BAZ1B: variants seen among roughly 807,000 people sequenced by gnomAD.
BAZ1B encodes bromodomain adjacent to zinc finger domain 1B, also known as tyrosine-protein kinase BAZ1B.
In BAZ1B, 22 loss-of-function variants were observed where a neutral mutation model predicts 153.8. The ratio of observed to expected loss-of-function variants is 0.14; its 90% CI spans 0.10 to 0.20. BAZ1B has a LOEUF of 0.20. BAZ1B is among the 10% of genes least tolerant of loss of function. The probability of loss-of-function intolerance (pLI) is 1.00; values close to 1 mark genes in which losing one functional copy is unlikely to be tolerated. For missense variants in BAZ1B, 1,325 were observed against 1,799.3 expected (o/e 0.74, Z 4.77); for synonymous variants, 676 against 633.4 (o/e 1.07, Z -1.01).
intron 7 of BAZ1B, among the ~76,000 whole-genome samples, chr7:73,474,753 C>CA (rs1453896809): frequency 3.4e-4 from 52 of 152,112 alleles, no homozygotes; most frequent in African/African-American, 1.2e-3. Flanking sequence ...AGCCTGGGCA[C>CA]AAAAAAGAGC....
At chr7:73,478,712 A>G in intron 6 of BAZ1B, 143 bp from the exon 7 acceptor site, 2 of 700,636 alleles carry the variant, frequency 2.9e-6, no homozygotes, top group South Asian at 4.5e-5. Flanking sequence ...TTGTCCCTGA[A>G]AAAACAAAGA....
At chr7:73,512,413 T>C (rs183690698) in intron 1 of BAZ1B, among the ~76,000 whole-genome samples, 3 of 152,176 alleles carry the variant, frequency 2.0e-5, no homozygotes, top group Non-Finnish European at 2.9e-5. Context: ...GTTTAAAAAA[T>C]AAATTTCATA....
chr7:73,479,508 CAAA>C (rs565909571), intron 6 of BAZ1B, among the ~76,000 whole-genome samples: 5 of 66,902 alleles, frequency 7.5e-5, no homozygotes, highest in Non-Finnish European at 9.3e-5. Context: ...ACCCCCGTCT[CAAA>C]AAAAAAAAAA....
At position 73,444,008 on chromosome 7, in the gene BAZ1B, C is replaced by T. The variant is rs1554565707; in HGVS notation, c.3966G>A (p.Val1322=). The T allele has an allele frequency of 6.2e-7, 1 of 1,613,626 alleles. No homozygotes were observed. Among genetic ancestry groups the T allele is most frequent in the South Asian group, 1.1e-5 (1 of 90,908 alleles). Residue 1322 remains valine, a synonymous_variant, in exon 17 of 20, where the codon GTG becomes GTA. Transcript: ENST00000339594. The stretch of plus-strand genomic sequence containing the variant: ...CCAGCTCATCCACCTCAGCATCATC[C>T]ACAGGTGGTGCCTTGGGCTGAGACC... ...TRRSQPKAPP[V]DDAEVDELVL...
intron 4 of BAZ1B, among the ~76,000 whole-genome samples, chr7:73,494,007 G>C (rs1206004629): frequency 6.6e-6 from 1 of 152,148 alleles, no homozygotes; most frequent in African/African-American, 2.4e-5. Context: ...CATTTAAAGA[G>C]ATTAGAATTT....
intron 7 of BAZ1B, among the ~76,000 whole-genome samples, chr7:73,474,361 G>T (rs782225638): frequency 1.3e-5 from 2 of 152,094 alleles, no homozygotes; most frequent in South Asian, 2.1e-4. Flanking sequence ...TCATGACCCT[G>T]GATTTGGCAA....
chr7:73,479,996 A>G (rs531813622), intron 6 of BAZ1B, among the ~76,000 whole-genome samples: 1 of 151,872 alleles, frequency 6.6e-6, no homozygotes, highest in African/African-American at 2.4e-5. Flanking sequence ...GGTGAAACCC[A>G]GTCTCTACTA....
At chr7:73,503,730 G>A (rs1486052629) in intron 3 of BAZ1B, among the ~76,000 whole-genome samples, 1 of 151,930 alleles carries the variant, frequency 6.6e-6, no homozygotes, top group Non-Finnish European at 1.5e-5. Context: ...AAATATTTTC[G>A]TTTTGCCATG....
intron 19 of BAZ1B, 27 bp downstream of exon 19, chr7:73,442,134 CCTCCCTCCCACCCTCCCTAG>C: frequency 1.6e-6 from 1 of 621,430 alleles, no homozygotes; most frequent in Non-Finnish European, 2.9e-6. Flanking sequence ...TCCTCGCTCG[CCTCCCTCCCACCCTCCCTAG>C]CTGTCCCCCC....
chr7:73,463,153 C>G (rs1447989837), intron 11 of BAZ1B, 54 bp from the exon 12 acceptor site: 2 of 1,454,950 alleles, frequency 1.4e-6, no homozygotes, highest in Non-Finnish European at 1.9e-6. Context: ...TGAAGATGTT[C>G]TTCAAATTTC....
At chr7:73,474,353 A>C (rs555814773) in intron 7 of BAZ1B, among the ~76,000 whole-genome samples, 1 of 152,376 alleles carries the variant, frequency 6.6e-6, no homozygotes, top group African/African-American at 2.4e-5. Flanking sequence ...GTAAATCTTC[A>C]TGACCCTGGA....
At chr7:73,474,162 G>A (rs979673457) in intron 7 of BAZ1B, among the ~76,000 whole-genome samples, 1 of 151,806 alleles carries the variant, frequency 6.6e-6, no homozygotes, top group African/African-American at 2.4e-5. Context: ...TTTGACAAGC[G>A]TATCAAGGCC....
In BAZ1B at chr7:73,477,713, T is replaced by G. The variant is rs1054891595; in HGVS notation, c.1748A>C (p.Gln583Pro). 1 of 1,614,260 alleles carries G rather than the reference T, an allele frequency of 6.2e-7. No individual in the cohort carries two copies. Among genetic ancestry groups the G allele is most frequent in the Non-Finnish European group, 8.5e-7 (1 of 1,180,052 alleles). ...TGGAAGGTTTTTGCCAGTTAACTCTTGGTCCTCATACCGCTTCTGTTTTTC... is the reference window on the plus strand; with the variant it reads ...TGGAAGGTTTTTGCCAGTTAACTCTGGGTCCTCATACCGCTTCTGTTTTTC... ...RLEKQKRYED[Q>P]ELTGKNLPAF... The change falls in exon 7 of 20, where the codon CAA (glutamine) becomes CCA (proline). Residue 583 changes from glutamine to proline, a missense_variant. Around this residue, in one of 9 missense-constraint regions of BAZ1B, gnomAD observed 154 missense variants for 266.3 expected, o/e 0.58. Coordinates refer to ENST00000339594, the MANE Select transcript of BAZ1B (RefSeq NM_032408.4). The surrounding 1 kb of genome is among the most constrained non-coding windows in gnomAD (Gnocchi z 5.6).
chr7:73,508,554 C>G, intron 2 of BAZ1B, 83 bp from the exon 3 acceptor site: 2 of 1,426,840 alleles, frequency 1.4e-6, no homozygotes, highest in Non-Finnish European at 1.9e-6. Context: ...ACATTTCTTT[C>G]TTTCTTTTCC....
intron 6 of BAZ1B, among the ~76,000 whole-genome samples, chr7:73,488,737 A>T (rs561031981): frequency 6.6e-6 from 1 of 152,004 alleles, no homozygotes; most frequent in South Asian, 2.1e-4. Flanking sequence ...AAAACAAAAA[A>T]AACTTACTCT....
intron 3 of BAZ1B, 51 bp downstream of exon 3, chr7:73,508,276 G>A: frequency 6.3e-7 from 1 of 1,582,778 alleles, no homozygotes; most frequent in South Asian, 1.1e-5. Context: ...AACCTACGAT[G>A]ACAGCTCTAA....
At chr7:73,517,770 C>T (rs1266578970) in intron 1 of BAZ1B, among the ~76,000 whole-genome samples, 3 of 152,148 alleles carry the variant, frequency 2.0e-5, no homozygotes, top group Non-Finnish European at 4.4e-5. Context: ...AAGATATTTT[C>T]GAATCCTAGA....
rs181258402 is a variant in BAZ1B at position 73,489,942 on chromosome 7, T to C, written c.694-551A>G. On this transcript the variant is annotated intron_variant, in intron 5 of 19. Coordinates refer to ENST00000339594, the MANE Select transcript of BAZ1B (RefSeq NM_032408.4). ...TTAAGAATTTATCTTAGGAAGTAAATGGACAAAGTTGTCATCAAATGCTTG... is the reference window on the plus strand; with the variant it reads ...TTAAGAATTTATCTTAGGAAGTAAACGGACAAAGTTGTCATCAAATGCTTG... 1.8e-4 allele frequency among the ~76,000 whole-genome samples: 27 copies of C among 152,338 alleles called. No homozygotes were observed. In the East Asian group the frequency reaches 4.8e-3, roughly 27 times the overall value.
At chr7:73,504,786 C>A (rs1490050172) in intron 3 of BAZ1B, among the ~76,000 whole-genome samples, 1 of 152,114 alleles carries the variant, frequency 6.6e-6, no homozygotes, top group Non-Finnish European at 1.5e-5. Flanking sequence ...TATGATCACA[C>A]CACTGCACTC....
Sources: gnomAD v4.1 joint callset for allele counts (sites outside exome capture counted in the v4.1 genomes callset) on GRCh38, gnomAD v4.1.1 for gene constraint, gnomAD v4.1.1 regional missense constraint, Gnocchi (gnomAD v3.1) non-coding constraint, MANE v1.5 for transcripts, NCBI Gene and HGNC (gene_info 2026-07-23, HGNC 2026-07-21) for gene names.